Variants in CDH11 observed in about 807,000 individuals in gnomAD.
The protein encoded by CDH11 is cadherin-11.
In CDH11, 11 loss-of-function variants were observed where a neutral mutation model predicts 67.8. That is an observed-to-expected ratio of 0.16 (90% CI 0.10 to 0.27). The LOEUF is 0.27. Among genes scored for constraint, CDH11 ranks in the 10% least tolerant of loss-of-function variants. CDH11 has a pLI of 1.00. For missense variants in CDH11, 847 were observed against 1,031.2 expected (o/e 0.82, Z 2.45); for synonymous variants, 419 against 400.0 (o/e 1.05, Z -0.57).
chr16:64,958,069 C>T lies in CDH11; in HGVS notation c.1643-7051G>A, dbSNP rs1025907536. On this transcript the variant is annotated intron_variant, in intron 11 of 12. Coordinates refer to ENST00000268603, the MANE Select transcript of CDH11 (RefSeq NM_001797.4). ...TGTACACATTACTGCATAGTTTGTA[C>T]ATTTCACAGCCCATCGTGACTGAAT... Among the ~76,000 whole-genome samples, 5 of 152,194 alleles carry T rather than the reference C, an allele frequency of 3.3e-5. No individual in the cohort carries two copies. In the East Asian group the frequency reaches 9.6e-4, roughly 29 times the overall value.
intron 1 of CDH11, among the ~76,000 whole-genome samples, chr16:65,076,728 T>C (rs1417141960): frequency 7.0e-6 from 1 of 142,852 alleles, no homozygotes; most frequent in East Asian, 2.4e-4. Flanking sequence ...CCTCCCTGTG[T>C]CCATATGTTC....
At position 65,083,251 on chromosome 16, in the gene CDH11, A is replaced by G. The variant is rs534930903; in HGVS notation, c.-297-29323T>C. On this transcript the variant is annotated intron_variant, in intron 1 of 12. Coordinates refer to ENST00000268603, the MANE Select transcript of CDH11 (RefSeq NM_001797.4). ...GCAAAGCCTGCACTCTTCCCCAGGTATCAGGCTGCCTGGTTCCAATCTATG... is the reference window on the plus strand; with the variant it reads ...GCAAAGCCTGCACTCTTCCCCAGGTGTCAGGCTGCCTGGTTCCAATCTATG... 9.2e-5 allele frequency among the ~76,000 whole-genome samples: 14 copies of G among 152,330 alleles called. No individual in the cohort carries two copies. The South Asian group carries it at 2.7e-3, about 29-fold the overall frequency.
chr16:65,100,562 C>T (rs952914603), intron 1 of CDH11, among the ~76,000 whole-genome samples: 1 of 151,952 alleles, frequency 6.6e-6, no homozygotes, highest in African/African-American at 2.4e-5. Flanking sequence ...CACGGTGAAA[C>T]TCCGTCTCTA....
intron 2 of CDH11, among the ~76,000 whole-genome samples, chr16:65,037,195 T>C (rs2073770413): frequency 6.6e-6 from 1 of 152,200 alleles, no homozygotes; most frequent in African/African-American, 2.4e-5. Flanking sequence ...TTCCATCTTC[T>C]GATGCCACTT....
chr16:65,029,302 A>C (rs2142612501), intron 2 of CDH11, among the ~76,000 whole-genome samples: 1 of 152,266 alleles, frequency 6.6e-6, no homozygotes. Context: ...CAGTATCCAA[A>C]CCAAAAGCCA....
intron 2 of CDH11, among the ~76,000 whole-genome samples, chr16:65,037,215 G>T (rs547050965): frequency 6.6e-6 from 1 of 152,272 alleles, no homozygotes; most frequent in Middle Eastern, 3.4e-3. Flanking sequence ...TACCAGCTGT[G>T]TGGCATCAAG....
chr16:65,097,621 T>C (rs983713272), intron 1 of CDH11, among the ~76,000 whole-genome samples: 6 of 135,420 alleles, frequency 4.4e-5, no homozygotes, highest in African/African-American at 1.9e-4. Flanking sequence ...AAAATCATTA[T>C]TATTATCAGT....
At chr16:65,116,777 C>T (rs916652490) in intron 1 of CDH11, among the ~76,000 whole-genome samples, 5 of 151,912 alleles carry the variant, frequency 3.3e-5, no homozygotes, top group Non-Finnish European at 7.4e-5. Flanking sequence ...GAGAGAGGTA[C>T]GAAGATCAGA....
At position 64,947,556 on chromosome 16, in the gene CDH11, T is replaced by TGA. The variant is rs772539383; in HGVS notation, c.*45_*46dup. 6.4e-7 allele frequency: 1 copy of TGA among 1,552,606 alleles called. No homozygotes were observed. The highest frequency in any genetic ancestry group is 1.4e-5 in the African/African-American group (1 of 72,518). On this transcript the variant is annotated 3_prime_UTR_variant, in exon 13 of 13. Transcript: ENST00000268603. Reference sequence around the variant, plus strand: ...CCTGTTTACACATCTTCTAGATTCTTGAGAACGCCAGACACAGTTCTTAAG... The same window carrying TGA: ...CCTGTTTACACATCTTCTAGATTCTTGAGAGAACGCCAGACACAGTTCTTAAG...
chr16:65,017,603 C>G (rs532946387), intron 2 of CDH11, among the ~76,000 whole-genome samples: 1 of 152,190 alleles, frequency 6.6e-6, no homozygotes, highest in East Asian at 1.9e-4. Flanking sequence ...AACAGTAAAG[C>G]AAAATAAAAT....
intron 11 of CDH11, among the ~76,000 whole-genome samples, chr16:64,954,950 A>AT (rs200575356): frequency 0.03 from 1,719 of 58,002 alleles, 37 homozygotes; most frequent in African/African-American, 0.091. Context: ...CTAAAAAATA[A>AT]AAAAAAAAAA....
intron 11 of CDH11, among the ~76,000 whole-genome samples, chr16:64,965,368 C>G (rs992978208): frequency 6.6e-6 from 1 of 151,968 alleles, no homozygotes; most frequent in African/African-American, 2.4e-5. Flanking sequence ...GGCAACAGAG[C>G]AAGACTCCAT....
rs2075318699 is a variant in CDH11, at chr16:65,121,003, G to C, written c.-298+877C>G. 1.3e-5 allele frequency among the ~76,000 whole-genome samples: 2 copies of C among 152,218 alleles called. 1 individual carries two copies. The highest frequency in any genetic ancestry group is 4.1e-4 in the South Asian group (2 of 4,834). ...CCCGGCTCGCGTTCCGGGGCAGAGCGCAGGGAGGGAGGCCGTGCGTGCCGG... is the reference window on the plus strand; with the variant it reads ...CCCGGCTCGCGTTCCGGGGCAGAGCCCAGGGAGGGAGGCCGTGCGTGCCGG... On this transcript the variant is annotated intron_variant, in intron 1 of 12. Transcript: ENST00000268603. The surrounding 1 kb of genome is among the most constrained non-coding windows in gnomAD (Gnocchi z 4.1).
chr16:64,962,385 A>G (rs2071695509), intron 11 of CDH11, among the ~76,000 whole-genome samples: 1 of 152,182 alleles, frequency 6.6e-6, no homozygotes, highest in African/African-American at 2.4e-5. Context: ...AGCCGTCCCC[A>G]GATTGGAGAC....
At chr16:65,011,724 G>T (rs979122885) in intron 2 of CDH11, among the ~76,000 whole-genome samples, 2 of 152,154 alleles carry the variant, frequency 1.3e-5, no homozygotes, top group Admixed American at 6.5e-5. Context: ...AACGCTATCT[G>T]CAGTGTCATC....
At chr16:64,997,106 C>G (rs1444117108) in intron 4 of CDH11, among the ~76,000 whole-genome samples, 1 of 151,760 alleles carries the variant, frequency 6.6e-6, no homozygotes, top group Non-Finnish European at 1.5e-5. Context: ...CAAGACCAGC[C>G]TGAACAACAT....
chr16:65,021,876 G>GAAAAAAAAAA (rs35700448), intron 2 of CDH11, among the ~76,000 whole-genome samples: 10 of 109,842 alleles, frequency 9.1e-5, no homozygotes, highest in Non-Finnish European at 1.3e-4. Flanking sequence ...AAGTAACTCA[G>GAAAAAAAAAA]AAAAAAAAAA....
At chr16:64,997,013 C>T (rs1300282818) in intron 4 of CDH11, among the ~76,000 whole-genome samples, 1 of 151,922 alleles carries the variant, frequency 6.6e-6, no homozygotes, top group Non-Finnish European at 1.5e-5. Flanking sequence ...TAAACCTGCA[C>T]ATGGGCCGGG....
intron 1 of CDH11, among the ~76,000 whole-genome samples, chr16:65,109,371 G>T (rs1438083634): frequency 6.6e-6 from 1 of 152,158 alleles, no homozygotes; most frequent in African/African-American, 2.4e-5. Flanking sequence ...CCTTTCAAAG[G>T]TGTATCAGAA....
Sources: gnomAD v4.1 joint callset for allele counts (sites outside exome capture counted in the v4.1 genomes callset) on GRCh38, gnomAD v4.1.1 for gene constraint, Gnocchi (gnomAD v3.1) non-coding constraint, MANE v1.5 for transcripts, NCBI Gene and HGNC (gene_info 2026-07-23, HGNC 2026-07-21) for gene names.